Variants in SNTG1 observed in about 807,000 individuals in gnomAD.
SNTG1 encodes gamma-1-syntrophin.
In SNTG1, 39 loss-of-function variants were observed where a neutral mutation model predicts 74.7. The observed-to-expected ratio is 0.52, with a 90% confidence interval of 0.40 to 0.68. The LOEUF (loss-of-function observed/expected upper bound fraction) is 0.68, where lower values mean the gene tolerates loss of function less well. Among genes scored for constraint, SNTG1 ranks in the 30% least tolerant of loss-of-function variants. The pLI, the probability that SNTG1 is intolerant of heterozygous loss-of-function variation, is 0.00. For synonymous variants in SNTG1, 254 were observed against 217.1 expected (o/e 1.17, Z -1.49); for missense variants, 685 against 609.5 (o/e 1.12, Z -1.30).
chr8:50,303,708 C>T (rs189605360), intron 2 of SNTG1, among the ~76,000 whole-genome samples: 368 of 151,898 alleles, frequency 2.4e-3, no homozygotes, highest in Non-Finnish European at 3.4e-3. Flanking sequence ...TTTTAAAAAA[C>T]GATTTGTATG....
intron 8 of SNTG1, among the ~76,000 whole-genome samples, chr8:50,473,147 A>AT (rs1303027665): frequency 6.6e-6 from 1 of 152,170 alleles, no homozygotes; most frequent in African/African-American, 2.4e-5. Context: ...AGGTAACTGA[A>AT]TTATGGGGGT....
At chr8:49,968,975 G>A (rs2129895425) in intron 1 of SNTG1, among the ~76,000 whole-genome samples, 1 of 152,288 alleles carries the variant, frequency 6.6e-6, no homozygotes, top group Non-Finnish European at 1.5e-5. Context: ...CCAAGTAAAG[G>A]AGTCTGGATA....
At chr8:49,958,019 T>A (rs2129647095) in intron 1 of SNTG1, among the ~76,000 whole-genome samples, 1 of 152,224 alleles carries the variant, frequency 6.6e-6, no homozygotes, top group Admixed American at 6.5e-5. Context: ...AAAAAAAAAA[T>A]TCTGCTGTCC....
intron 8 of SNTG1, among the ~76,000 whole-genome samples, chr8:50,451,111 C>T (rs1013811531): frequency 1.3e-5 from 2 of 152,030 alleles, no homozygotes; most frequent in African/African-American, 2.4e-5. Flanking sequence ...GTCATCCCTC[C>T]CTATTCATGG....
chr8:50,347,954 G>A (rs1444886154), intron 2 of SNTG1, among the ~76,000 whole-genome samples: 1 of 152,194 alleles, frequency 6.6e-6, no homozygotes, highest in Non-Finnish European at 1.5e-5. Context: ...ATGATATAAT[G>A]TTACAGGATG....
intron 12 of SNTG1, chr8:50,569,096 GGGGTC>G (rs1167033975): frequency 6.6e-6 from 1 of 152,142 alleles, no homozygotes; most frequent in Non-Finnish European, 1.5e-5. Flanking sequence ...AATTCTTTAT[GGGGTC>G]GGGTAAGACA....
chr8:50,295,795 A>T (rs2089335761), intron 2 of SNTG1, among the ~76,000 whole-genome samples: 1 of 152,208 alleles, frequency 6.6e-6, no homozygotes, highest in African/African-American at 2.4e-5. Flanking sequence ...TATGATGTGT[A>T]CTGAACATAT....
intron 18 of SNTG1, among the ~76,000 whole-genome samples, chr8:50,779,448 T>G (rs1347127038): frequency 6.6e-6 from 1 of 152,182 alleles, no homozygotes; most frequent in East Asian, 1.9e-4. Flanking sequence ...CCTAGGTATT[T>G]TATTCTCTTT....
At chr8:50,349,306 C>T (rs2091575026) in intron 2 of SNTG1, among the ~76,000 whole-genome samples, 1 of 152,138 alleles carries the variant, frequency 6.6e-6, no homozygotes, top group Non-Finnish European at 1.5e-5. Flanking sequence ...CATAATTCTG[C>T]TTCAAAGATT....
intron 13 of SNTG1, among the ~76,000 whole-genome samples, chr8:50,621,062 ACT>A (rs1491261654): frequency 6.2e-5 from 4 of 64,944 alleles, no homozygotes; most frequent in Non-Finnish European, 1.0e-4. Flanking sequence ...TAAAGAGATA[ACT>A]TTTTTTTTTT....
chr8:50,550,448 G>A (rs1310037999), intron 11 of SNTG1, among the ~76,000 whole-genome samples: 1 of 152,132 alleles, frequency 6.6e-6, no homozygotes, highest in Non-Finnish European at 1.5e-5. Context: ...GATTGCTTAT[G>A]TTAGGTTGAA....
chr8:50,445,238 A>T (rs1438475843), intron 5 of SNTG1, among the ~76,000 whole-genome samples: 1 of 152,196 alleles, frequency 6.6e-6, no homozygotes, highest in East Asian at 1.9e-4. Flanking sequence ...TCCAGGTGAT[A>T]TTCCTTTACT....
At chr8:50,294,149 A>G (rs7845924) in intron 2 of SNTG1, among the ~76,000 whole-genome samples, 10,524 of 151,540 alleles carry the variant, frequency 0.069, 408 homozygotes, top group African/African-American at 0.085. Flanking sequence ...AAATAAATAC[A>G]CAGAATAAAA....
intron 18 of SNTG1, among the ~76,000 whole-genome samples, chr8:50,783,412 T>C (rs1358038504): frequency 6.6e-6 from 1 of 152,122 alleles, no homozygotes; most frequent in East Asian, 1.9e-4. Flanking sequence ...CAGGCGCCCC[T>C]CCCCCAGCCT....
At chr8:50,209,587 G>A (rs1428767486) in intron 2 of SNTG1, among the ~76,000 whole-genome samples, 5 of 152,284 alleles carry the variant, frequency 3.3e-5, no homozygotes, top group African/African-American at 1.2e-4. Flanking sequence ...TGCAGCCTCC[G>A]CTGGTGATAC....
chr8:50,766,155 C>T (rs934332728), intron 18 of SNTG1, among the ~76,000 whole-genome samples: 1 of 151,936 alleles, frequency 6.6e-6, no homozygotes, highest in Non-Finnish European at 1.5e-5. Context: ...TCCATACCTC[C>T]CTTACCCCAT....
intron 10 of SNTG1, among the ~76,000 whole-genome samples, chr8:50,535,976 A>T (rs554543859): frequency 6.6e-6 from 1 of 152,178 alleles, no homozygotes; most frequent in Non-Finnish European, 1.5e-5. Flanking sequence ...TGAAGGAAAC[A>T]TGAATCAAGT....
At chr8:50,691,035 T>C (rs1251315222) in intron 15 of SNTG1, among the ~76,000 whole-genome samples, 1 of 152,200 alleles carries the variant, frequency 6.6e-6, no homozygotes, top group Admixed American at 6.5e-5. Flanking sequence ...TCTTTGTTGG[T>C]TTAAAGTTTG....
At chr8:50,765,577 G>C (rs1237979271) in intron 18 of SNTG1, among the ~76,000 whole-genome samples, 1 of 151,878 alleles carries the variant, frequency 6.6e-6, no homozygotes, top group African/African-American at 2.4e-5. Flanking sequence ...AGAGGAATAA[G>C]GAAAAGTACA....
Sources: gnomAD v4.1 joint callset for allele counts (sites outside exome capture counted in the v4.1 genomes callset) on GRCh38, gnomAD v4.1.1 for gene constraint, MANE v1.5 for transcripts, NCBI Gene and HGNC (gene_info 2026-07-23, HGNC 2026-07-21) for gene names.